The following KLF12 variants were observed in gnomAD, a reference collection of about 807,000 sequenced individuals.
KLF12 encodes Krueppel-like factor 12.
A neutral mutation model predicts 37.8 loss-of-function variants in KLF12; 9 were observed. That is an observed-to-expected ratio of 0.24 (90% CI 0.14 to 0.42). KLF12 has a LOEUF of 0.42. Ranked by LOEUF, KLF12 falls within the 10% of genes least tolerant of loss-of-function variation. The probability of loss-of-function intolerance (pLI) is 1.00; values close to 1 mark genes in which losing one functional copy is unlikely to be tolerated. For synonymous variants in KLF12, 208 were observed against 202.1 expected (o/e 1.03, Z -0.25); for missense variants, 411 against 516.0 (o/e 0.80, Z 1.97).
At chr13:74,178,749 G>A in the KLF12 span, among the ~76,000 whole-genome samples, 1 of 152,114 alleles carries the variant, frequency 6.6e-6, no homozygotes, top group East Asian at 1.9e-4. Context: ...CCAATCTATA[G>A]GCTGACACTG....
At chr13:74,189,364 T>G in the KLF12 span, among the ~76,000 whole-genome samples, 2 of 152,074 alleles carry the variant, frequency 1.3e-5, no homozygotes, top group East Asian at 3.9e-4. Flanking sequence ...CCAAAGAACG[T>G]CTATATCTGG....
the KLF12 span, among the ~76,000 whole-genome samples, chr13:74,274,405 TTATTA>T: frequency 6.6e-6 from 1 of 152,204 alleles, no homozygotes; most frequent in Non-Finnish European, 1.5e-5. Flanking sequence ...CATTACCATT[TTATTA>T]TATTTTGTAG....
At chr13:73,849,375 TAAAAAAAAAA>T (rs574332239) in intron 3 of KLF12, among the ~76,000 whole-genome samples, 1 of 98,986 alleles carries the variant, frequency 1.0e-5, no homozygotes, top group Admixed American at 1.1e-4. Flanking sequence ...GGAGACTCCA[TAAAAAAAAAA>T]AAAAAAAAAA....
intron 2 of KLF12, among the ~76,000 whole-genome samples, chr13:73,970,775 A>C (rs1257940715): frequency 6.6e-6 from 1 of 152,190 alleles, no homozygotes; most frequent in Non-Finnish European, 1.5e-5. Flanking sequence ...AGCTGAATCA[A>C]ATGTTTAGGT....
chr13:74,049,340 A>G (rs1893625738), intron 1 of KLF12, among the ~76,000 whole-genome samples: 2 of 152,204 alleles, frequency 1.3e-5, no homozygotes. Context: ...TTTCTATGGA[A>G]GACCTAATTA....
the KLF12 span, among the ~76,000 whole-genome samples, chr13:74,219,821 G>T: frequency 6.6e-6 from 1 of 152,188 alleles, no homozygotes; most frequent in Non-Finnish European, 1.5e-5. Flanking sequence ...TTGTTTGAAG[G>T]TAATCTGTTT....
At chr13:73,994,322 C>G (rs143272133) in intron 2 of KLF12, among the ~76,000 whole-genome samples, 1 of 152,076 alleles carries the variant, frequency 6.6e-6, no homozygotes, top group African/African-American at 2.4e-5. Context: ...ACCCTACTTA[C>G]GAAATAGAGA....
At chr13:73,883,533 G>A (rs1887080031) in intron 3 of KLF12, among the ~76,000 whole-genome samples, 1 of 152,154 alleles carries the variant, frequency 6.6e-6, no homozygotes, top group African/African-American at 2.4e-5. Context: ...AAATAGATGG[G>A]GGATACTGCT....
rs188253401 is a variant in KLF12 at position 74,077,569 on chromosome 13, A to T, written c.-32+56170T>A. 3.3e-5 allele frequency among the ~76,000 whole-genome samples: 5 copies of T among 152,306 alleles called. No homozygotes were observed. The East Asian group carries it at 9.6e-4, about 29-fold the overall frequency. On this transcript the variant is annotated intron_variant, in intron 1 of 7. Transcript: ENST00000377669. The stretch of plus-strand genomic sequence containing the variant: ...GCAGGCCTAAGAGCAAGAAGTCCCA[A>T]ATCCTAGTTCTGACCCCCATCATTT...
At chr13:74,046,548 G>T (rs1372493564) in intron 1 of KLF12, among the ~76,000 whole-genome samples, 1 of 151,936 alleles carries the variant, frequency 6.6e-6, no homozygotes, top group Non-Finnish European at 1.5e-5. Flanking sequence ...GAAAAAAGAA[G>T]AAAGGAAAAG....
chr13:73,732,397 C>A (rs1877133886), intron 6 of KLF12, among the ~76,000 whole-genome samples: 1 of 152,052 alleles, frequency 6.6e-6, no homozygotes, highest in African/African-American at 2.4e-5. Context: ...GCTGTTTAAC[C>A]CCATTTTACA....
chr13:74,269,856 G>T, the KLF12 span, among the ~76,000 whole-genome samples: 251 of 152,312 alleles, frequency 1.6e-3, no homozygotes, highest in Admixed American at 3.5e-3. Context: ...GAATATGGGA[G>T]AAGGGACACA....
At chr13:74,060,500 G>GTGTGTGTGTGTGTC (rs1555336668) in intron 1 of KLF12, among the ~76,000 whole-genome samples, 55 of 149,222 alleles carry the variant, frequency 3.7e-4, no homozygotes, top group African/African-American at 1.4e-3. Context: ...GTGTGTGTGT[G>GTGTGTGTGTGTGTC]TGTGTGTGTG....
At chr13:74,047,931 T>C (rs1174157039) in intron 1 of KLF12, among the ~76,000 whole-genome samples, 1 of 152,216 alleles carries the variant, frequency 6.6e-6, no homozygotes, top group Non-Finnish European at 1.5e-5. Flanking sequence ...ATTTCTCGCA[T>C]TCCAAGTGCA....
chr13:73,757,717 C>T (rs559063022), intron 6 of KLF12, among the ~76,000 whole-genome samples: 60 of 152,186 alleles, frequency 3.9e-4, no homozygotes, highest in African/African-American at 1.4e-3. Context: ...TGAACACATT[C>T]AGATTTTTGA....
intron 6 of KLF12, among the ~76,000 whole-genome samples, chr13:73,730,632 T>C (rs1876993862): frequency 6.6e-6 from 1 of 152,020 alleles, no homozygotes; most frequent in Non-Finnish European, 1.5e-5. Flanking sequence ...TCTGATTCTG[T>C]TTGGAAAGTC....
intron 1 of KLF12, among the ~76,000 whole-genome samples, chr13:74,113,233 G>A (rs907600979): frequency 4.6e-5 from 7 of 152,226 alleles, no homozygotes; most frequent in African/African-American, 1.7e-4. Context: ...AAGTTATCCG[G>A]AAGATCTAGC....
At chr13:73,794,291 T>A (rs1182105124) in intron 5 of KLF12, among the ~76,000 whole-genome samples, 1 of 152,138 alleles carries the variant, frequency 6.6e-6, no homozygotes. Flanking sequence ...CGAAACCCTG[T>A]CTCTATTAAA....
At chr13:73,764,126 A>T (rs1157084759) in intron 6 of KLF12, among the ~76,000 whole-genome samples, 1 of 152,182 alleles carries the variant, frequency 6.6e-6, no homozygotes, top group African/African-American at 2.4e-5. Context: ...TCAAAATCTC[A>T]TTCTAACTAT....
Sources: gnomAD v4.1 joint callset for allele counts (sites outside exome capture counted in the v4.1 genomes callset) on GRCh38, gnomAD v4.1.1 for gene constraint, MANE v1.5 for transcripts, NCBI Gene and HGNC (gene_info 2026-07-23, HGNC 2026-07-21) for gene names.